The following ABCB5 variants were observed in gnomAD, a reference collection of about 807,000 sequenced individuals.
ABCB5 encodes ATP binding cassette subfamily B member 5.
In ABCB5, 155 loss-of-function variants were observed where a neutral mutation model predicts 144.2. The ratio of observed to expected loss-of-function variants is 1.08; its 90% CI spans 0.94 to 1.23. ABCB5 has a LOEUF of 1.23. Among genes scored for constraint, ABCB5 ranks in the 50% most tolerant of loss-of-function variants. The pLI is 0.00. For synonymous variants in ABCB5, 610 were observed against 528.6 expected, an observed-to-expected ratio of 1.15 and a Z score of -2.11; for missense variants, 1,830 against 1,520.8, an observed-to-expected ratio of 1.20 and a Z score of -3.38.
chr7:20,665,425 TCA>T (rs1034777197), intron 14 of ABCB5, among the ~76,000 whole-genome samples: 1 of 152,140 alleles, frequency 6.6e-6, no homozygotes, highest in African/African-American at 2.4e-5. Context: ...GCTTTCAACA[TCA>T]CAGTCAGGTA....
intron 23 of ABCB5, 106 bp from the exon 24 acceptor site, chr7:20,738,877 A>G: frequency 7.7e-7 from 1 of 1,300,676 alleles, no homozygotes; most frequent in Non-Finnish European, 1.0e-6. Flanking sequence ...TGCCGTCTAC[A>G]TCAAAAGATT....
chr7:20,753,368 C>T lies in ABCB5; in HGVS notation c.3438C>T (p.Asn1146=), dbSNP rs748591148. The stretch of plus-strand genomic sequence containing the variant: ...GCATGCTCCTGTGATAGAAATACAA[C>T]ACACAAGTTGGACTGAAAGGAGCAC... ...SFIEGLPEKY[N]TQVGLKGAQL... is the part of the protein sequence containing the mutation. Residue 1146 remains asparagine (N), a synonymous_variant, in exon 27 of 28, where the codon AAC becomes AAT. Transcript: ENST00000404938. 1 of 1,612,004 alleles carries T rather than the reference C, an allele frequency of 6.2e-7. No homozygotes were observed. Among genetic ancestry groups the T allele is most frequent in the Non-Finnish European group, 8.5e-7 (1 of 1,178,908 alleles).
At chr7:20,710,177 C>T (rs2128045857) in intron 20 of ABCB5, among the ~76,000 whole-genome samples, 1 of 148,120 alleles carries the variant, frequency 6.8e-6, no homozygotes, top group African/African-American at 2.5e-5. Context: ...GAGTTCAAGA[C>T]CAGCCTGGCC....
intron 1 of ABCB5, among the ~76,000 whole-genome samples, chr7:20,616,078 C>A (rs942843740): frequency 3.3e-5 from 5 of 152,172 alleles, no homozygotes; most frequent in African/African-American, 1.2e-4. Context: ...CTCTGTCACC[C>A]AGGCTGGAGT....
At chr7:20,662,437 A>T (rs1785031988) in intron 14 of ABCB5, among the ~76,000 whole-genome samples, 2 of 152,220 alleles carry the variant, frequency 1.3e-5, no homozygotes, top group Admixed American at 1.3e-4. Context: ...CTAAGAAGTG[A>T]TTATCCAAAG....
Position 20,657,130 on chromosome 7 carries a change from A to T in ABCB5, c.1537-1376A>T, listed in dbSNP as rs549753164. ...CACCATGTTGCCCAGGCTGGTGTCAAACTCCTGGCTTCAACCAATCCACCC... is the reference window on the plus strand; with the variant it reads ...CACCATGTTGCCCAGGCTGGTGTCATACTCCTGGCTTCAACCAATCCACCC... On this transcript the variant is annotated intron_variant, in intron 13 of 27. Coordinates refer to ENST00000404938, the MANE Select transcript of ABCB5 (RefSeq NM_001163941.2). Among the ~76,000 whole-genome samples the T allele has an allele frequency of 9.5e-4, 144 of 152,066 alleles. No individual in the cohort carries two copies. The Middle Eastern group carries it at 0.01, about 11-fold the overall frequency.
intron 11 of ABCB5, among the ~76,000 whole-genome samples, chr7:20,648,595 T>C (rs1784486851): frequency 6.6e-6 from 1 of 152,136 alleles, no homozygotes; most frequent in Non-Finnish European, 1.5e-5. Flanking sequence ...AATGTGTGTC[T>C]TTTTTATTGT....
At position 20,685,768 on chromosome 7, in the gene ABCB5, C is replaced by T; in HGVS notation, c.1942C>T (p.Leu648=). 6.2e-7 allele frequency: 1 copy of T among 1,613,824 alleles called. No individual in the cohort carries two copies. Among genetic ancestry groups the T allele is most frequent in the Non-Finnish European group, 8.5e-7 (1 of 1,179,822 alleles). The change falls in exon 16 of 28, where the codon CTG becomes TTG. Residue 648 remains leucine, a synonymous_variant. Transcript: ENST00000404938. ...STERKTNSLP[L]HSVKSIKSDF... is the part of the protein sequence containing the mutation. ...TGAAAGAAAGACCAACTCACTTCCT[C>T]TGCACTCTGTGAAGAGCATCAAGTC...
chr7:20,734,906 G>C (rs916207333), intron 23 of ABCB5, among the ~76,000 whole-genome samples: 2 of 152,210 alleles, frequency 1.3e-5, no homozygotes, highest in African/African-American at 4.8e-5. Flanking sequence ...TAAATGTGTA[G>C]ATTTAGATGT....
chr7:20,690,560 T>G (rs950718066), intron 16 of ABCB5, among the ~76,000 whole-genome samples: 1 of 152,182 alleles, frequency 6.6e-6, no homozygotes, highest in South Asian at 2.1e-4. Context: ...CATGGTCTGA[T>G]CTACTCCATG....
At chr7:20,684,546 G>A (rs566043945) in intron 15 of ABCB5, among the ~76,000 whole-genome samples, 2 of 152,046 alleles carry the variant, frequency 1.3e-5, no homozygotes, top group African/African-American at 2.4e-5. Flanking sequence ...TTGAGCTGAG[G>A]AGTTTAACAC....
intron 27 of ABCB5, among the ~76,000 whole-genome samples, chr7:20,753,922 C>T (rs944340763): frequency 6.6e-6 from 1 of 152,130 alleles, no homozygotes; most frequent in Non-Finnish European, 1.5e-5. Flanking sequence ...GTTATTCTAC[C>T]TTCTACAGAC....
At chr7:20,666,170 C>CA (rs60445898) in intron 14 of ABCB5, among the ~76,000 whole-genome samples, 4,422 of 115,598 alleles carry the variant, frequency 0.038, 166 homozygotes, top group African/African-American at 0.095. Context: ...AACTCTGTCT[C>CA]AAAAAAAAAA....
At position 20,698,400 on chromosome 7, in the gene ABCB5, T is replaced by C; in HGVS notation, c.2011-7T>C. The C allele has an allele frequency of 1.9e-6, 3 of 1,559,184 alleles. No individual in the cohort carries two copies. Among genetic ancestry groups the C allele is most frequent in the Non-Finnish European group, 2.6e-6 (3 of 1,159,442 alleles). ...TGGCATTTTTAACCAACATATTTTA[T>C]TTTTAGATAAGTCTTCCTGAAGTCT... On this transcript the variant is annotated splice_polypyrimidine_tract_variant and splice_region_variant and intron_variant, in intron 16 of 27. Transcript: ENST00000404938.
At chr7:20,700,587 A>G (rs1786587171) in intron 19 of ABCB5, among the ~76,000 whole-genome samples, 1 of 152,202 alleles carries the variant, frequency 6.6e-6, no homozygotes, top group Non-Finnish European at 1.5e-5. Context: ...CTCTGCCTTT[A>G]TCAGAAGAGT....
chr7:20,737,897 G>A (rs1782439865), intron 23 of ABCB5, among the ~76,000 whole-genome samples: 1 of 152,104 alleles, frequency 6.6e-6, no homozygotes, highest in Non-Finnish European at 1.5e-5. Context: ...TGACATCACT[G>A]AACTAAATAA....
intron 14 of ABCB5, chr7:20,659,064 A>AGG: frequency 6.2e-7 from 1 of 1,613,800 alleles, no homozygotes; most frequent in Non-Finnish European, 8.5e-7. Flanking sequence ...TTTCTTCTTT[A>AGG]GGATACCCCC....
intron 16 of ABCB5, among the ~76,000 whole-genome samples, chr7:20,691,496 G>T (rs901549751): frequency 6.6e-6 from 1 of 151,812 alleles, no homozygotes; most frequent in Non-Finnish European, 1.5e-5. Flanking sequence ...TACCAGAAAA[G>T]ATTAAAAGGA....
chr7:20,707,649 C>G (rs1009301466), intron 20 of ABCB5, among the ~76,000 whole-genome samples: 4 of 152,100 alleles, frequency 2.6e-5, no homozygotes, highest in African/African-American at 9.7e-5. Flanking sequence ...ACAGACACAT[C>G]CAATGCTAGA....
Sources: allele counts gnomAD v4.1 joint callset (sites outside exome capture counted in the v4.1 genomes callset), GRCh38; gene constraint gnomAD v4.1.1; transcripts MANE v1.5; gene names NCBI Gene and HGNC (gene_info 2026-07-23, HGNC 2026-07-21).